The following C17orf114 variants were observed in gnomAD, a reference collection of about 807,000 sequenced individuals.
C17orf114 encodes the protein uncharacterized protein C17orf114.
chr17:4,801,842 T>C (rs1905515419), intron 1 of C17orf114, among the ~76,000 whole-genome samples: 3 of 152,108 alleles, frequency 2.0e-5, no homozygotes, highest in Admixed American at 6.5e-5. Flanking sequence ...GTGATTCTCC[T>C]GCCTCAGCCT....
At chr17:4,801,554 T>A in intron 1 of C17orf114, 99 bp from the exon 2 acceptor site, 1 of 358,482 alleles carries the variant, frequency 2.8e-6, no homozygotes, top group Non-Finnish European at 4.8e-6. Flanking sequence ...GGAAGACACC[T>A]GGGGCCTGGG....
chr17:4,801,964 C>T (rs190382514), intron 1 of C17orf114, among the ~76,000 whole-genome samples: 118 of 152,180 alleles, frequency 7.8e-4, no homozygotes, highest in African/African-American at 2.7e-3. Context: ...CCCCTGACCT[C>T]GTGATCTACC....
At chr17:4,803,074 G>C (rs1905550922), upstream of C17orf114, among the ~76,000 whole-genome samples, 1 of 151,678 alleles carries the variant, frequency 6.6e-6, no homozygotes, top group South Asian at 2.1e-4. Context: ...ACACCACCAT[G>C]CCCAGCTAAT....
upstream of C17orf114, among the ~76,000 whole-genome samples, chr17:4,805,944 C>G (rs1905748100): frequency 1.3e-5 from 2 of 151,882 alleles, no homozygotes; most frequent in Non-Finnish European, 2.9e-5. Context: ...CACAGCAAGA[C>G]TCCATCTCAA....
chr17:4,802,619 A>G (rs548997214), upstream of C17orf114, among the ~76,000 whole-genome samples: 1 of 152,348 alleles, frequency 6.6e-6, no homozygotes. Flanking sequence ...GTGCTGTGAC[A>G]GACAGATGCA....
At chr17:4,806,875 G>T (rs1040167095), upstream of C17orf114, 1 of 149,086 alleles carries the variant, frequency 6.7e-6, no homozygotes, top group Non-Finnish European at 1.5e-5. Flanking sequence ...GGCAGCGGCC[G>T]GGCACGCTGG....
chr17:4,801,856 G>C (rs572317359), intron 1 of C17orf114, among the ~76,000 whole-genome samples: 2 of 151,290 alleles, frequency 1.3e-5, no homozygotes, highest in Admixed American at 6.6e-5. Flanking sequence ...TCAGCCTCCC[G>C]AGTAGCTGGG....
upstream of C17orf114, among the ~76,000 whole-genome samples, chr17:4,805,637 G>A (rs1406615064): frequency 1.3e-5 from 2 of 151,584 alleles, no homozygotes; most frequent in African/African-American, 4.9e-5. Flanking sequence ...TCACGCCACT[G>A]CAGTCCAGCA....
chr17:4,805,553 C>T (rs895235769), upstream of C17orf114, among the ~76,000 whole-genome samples: 1 of 150,326 alleles, frequency 6.7e-6, no homozygotes, highest in Non-Finnish European at 1.5e-5. Flanking sequence ...GGTGAAACCC[C>T]GTCTCTACTA....
upstream of C17orf114, among the ~76,000 whole-genome samples, chr17:4,805,519 G>A (rs1041987630): frequency 1.3e-5 from 2 of 148,512 alleles, no homozygotes; most frequent in South Asian, 4.2e-4. Flanking sequence ...GAGGTCTGGA[G>A]TTTGAGACCA....
exon 2 of C17orf114, chr17:4,801,277 T>C (rs1363387244): frequency 1.3e-5 from 5 of 398,614 alleles, no homozygotes; most frequent in Admixed American, 4.4e-5. Context: ...GTTCACCTCC[T>C]CGTCGTCCCC....
At chr17:4,802,357 G>C, upstream of C17orf114, 1 of 398,916 alleles carries the variant, frequency 2.5e-6, no homozygotes, top group Non-Finnish European at 4.4e-6. Context: ...GAATGGCCAG[G>C]AGGGCCCCCG....
upstream of C17orf114, among the ~76,000 whole-genome samples, chr17:4,803,076 C>G (rs1175989557): frequency 1.3e-5 from 2 of 151,988 alleles, no homozygotes; most frequent in African/African-American, 4.8e-5. Context: ...ACCACCATGC[C>G]CAGCTAATTT....
At position 4,801,577 on chromosome 17, in the gene C17orf114, G is replaced by A. The variant is rs1905509093; in HGVS notation, c.74-122C>T. The A allele has an allele frequency of 1.3e-5, 5 of 397,726 alleles. No individual in the cohort carries two copies. In the East Asian group the frequency reaches 1.8e-4, roughly 14 times the overall value. The allele number at this position is 397,726 out of a possible 1,614,324, so 24.6% of individuals were successfully genotyped here. A position where few individuals can be genotyped will look rare whatever the true frequency, so the allele number is the denominator to read the frequency against. Reference sequence around the variant, plus strand: ...CCTGGGGCCTGGGGGCTGGTGAGGAGTGTTGGTGGCAGCAGCAGGGGGAGG... The same window carrying A: ...CCTGGGGCCTGGGGGCTGGTGAGGAATGTTGGTGGCAGCAGCAGGGGGAGG... On this transcript the variant is annotated intron_variant, in intron 1 of 1. Transcript: ENST00000635921.
chr17:4,804,128 T>C (rs540137541), upstream of C17orf114, among the ~76,000 whole-genome samples: 34 of 152,196 alleles, frequency 2.2e-4, no homozygotes, highest in African/African-American at 7.9e-4. Context: ...GCTGGGAGCA[T>C]CTAGTCAAGA....
At chr17:4,804,246 C>T (rs1905586629), upstream of C17orf114, among the ~76,000 whole-genome samples, 1 of 150,702 alleles carries the variant, frequency 6.6e-6, no homozygotes, top group Admixed American at 6.6e-5. Flanking sequence ...GCTCTGTTGC[C>T]CAGGCTGGAG....
At chr17:4,806,560 A>G (rs1040646847), upstream of C17orf114, among the ~76,000 whole-genome samples, 1 of 152,290 alleles carries the variant, frequency 6.6e-6, no homozygotes, top group Non-Finnish European at 1.5e-5. Context: ...CCATACTCTC[A>G]ATTTCTGGCA....
upstream of C17orf114, among the ~76,000 whole-genome samples, chr17:4,805,600 G>A (rs1266514758): frequency 5.3e-5 from 8 of 151,826 alleles, 1 homozygote; most frequent in South Asian, 8.3e-4. Context: ...CTTGAACCTG[G>A]AAGGGGGAGG....
At chr17:4,803,359 C>T (rs1216263621), upstream of C17orf114, among the ~76,000 whole-genome samples, 1 of 151,420 alleles carries the variant, frequency 6.6e-6, no homozygotes, top group Admixed American at 6.6e-5. Flanking sequence ...GAACCATGCC[C>T]AGCTCACAAC....
Sources: allele counts gnomAD v4.1 joint callset (sites outside exome capture counted in the v4.1 genomes callset), GRCh38; gene constraint gnomAD v4.1.1; transcripts MANE v1.5; gene names NCBI Gene and HGNC (gene_info 2026-07-23, HGNC 2026-07-21).